The following ASCC3 variants were observed in gnomAD, a reference collection of about 807,000 sequenced individuals.
The protein encoded by ASCC3 is ASC-1 complex subunit P200.
A neutral mutation model predicts 256.3 loss-of-function variants in ASCC3; 158 were observed. The observed-to-expected ratio is 0.62, with a 90% CI of 0.54 to 0.70. The LOEUF is 0.70. ASCC3 is among the 30% of genes least tolerant of loss of function. ASCC3 has a pLI of 0.00. For missense variants in ASCC3, 2,259 were observed against 2,626.0 expected (o/e 0.86, Z 3.05); for synonymous variants, 948 against 883.4 (o/e 1.07, Z -1.30).
At chr6:100,582,420 T>G (rs1490338970) in intron 36 of ASCC3, among the ~76,000 whole-genome samples, 1 of 151,670 alleles carries the variant, frequency 6.6e-6, no homozygotes, top group Non-Finnish European at 1.5e-5. Context: ...TGCTTGTGAT[T>G]TTTGTACATT....
At chr6:100,660,138 G>A (rs1429248694) in intron 16 of ASCC3, among the ~76,000 whole-genome samples, 2 of 151,532 alleles carry the variant, frequency 1.3e-5, no homozygotes, top group Non-Finnish European at 3.0e-5. Context: ...ATAGGGAAAT[G>A]TATTCACCTT....
chr6:100,744,969 G>C (rs1780595774), intron 10 of ASCC3, among the ~76,000 whole-genome samples: 1 of 152,170 alleles, frequency 6.6e-6, no homozygotes, highest in Non-Finnish European at 1.5e-5. Context: ...GGGGAGTGGA[G>C]TGACTTAGTA....
At chr6:100,578,648 AT>A (rs1276773369) in intron 36 of ASCC3, among the ~76,000 whole-genome samples, 1 of 152,072 alleles carries the variant, frequency 6.6e-6, no homozygotes, top group East Asian at 1.9e-4. Flanking sequence ...GTACCACATT[AT>A]CTTTATCCAG....
intron 37 of ASCC3, chr6:100,530,356 T>G (rs1774806456): frequency 7.5e-7 from 1 of 1,328,990 alleles, no homozygotes; most frequent in Non-Finnish European, 1.1e-6. Flanking sequence ...AAAACCGCAG[T>G]AAGTTGTCTA....
intron 3 of ASCC3, among the ~76,000 whole-genome samples, chr6:100,854,596 TA>T (rs1324325834): frequency 6.6e-6 from 1 of 152,212 alleles, no homozygotes; most frequent in African/African-American, 2.4e-5. Context: ...CCCTATGTTT[TA>T]GAAACAGCCA....
At chr6:100,561,152 G>C (rs2114704954) in intron 36 of ASCC3, among the ~76,000 whole-genome samples, 1 of 150,800 alleles carries the variant, frequency 6.6e-6, no homozygotes, top group African/African-American at 2.4e-5. Context: ...ACCATTGCTT[G>C]GTCTACAAAT....
chr6:100,527,836 T>A (rs1774661112), intron 37 of ASCC3, among the ~76,000 whole-genome samples: 2 of 151,934 alleles, frequency 1.3e-5, no homozygotes, highest in Non-Finnish European at 2.9e-5. Context: ...CTTCTTTGTT[T>A]TTTTTTTTGT....
intron 13 of ASCC3, among the ~76,000 whole-genome samples, chr6:100,710,582 C>T (rs914194967): frequency 1.3e-5 from 2 of 152,108 alleles, no homozygotes; most frequent in East Asian, 1.9e-4. Context: ...ACTGACTAAA[C>T]GCCCCTAGCC....
At chr6:100,730,922 A>G (rs1210272460) in intron 10 of ASCC3, among the ~76,000 whole-genome samples, 1 of 152,204 alleles carries the variant, frequency 6.6e-6, no homozygotes, top group African/African-American at 2.4e-5. Flanking sequence ...TATTTATGTC[A>G]AGGATGGTGG....
At chr6:100,754,179 T>C (rs1781069568) in intron 10 of ASCC3, among the ~76,000 whole-genome samples, 1 of 152,302 alleles carries the variant, frequency 6.6e-6, no homozygotes, top group African/African-American at 2.4e-5. Flanking sequence ...GCAAAAAAAG[T>C]ATAATTAGTC....
At chr6:100,868,137 G>A in intron 1 of ASCC3, 99 bp from the exon 2 acceptor site, 1 of 682,616 alleles carries the variant, frequency 1.5e-6, no homozygotes, top group Non-Finnish European at 2.5e-6. Context: ...GGAAAAAATT[G>A]GTTAAAAAGC....
intron 13 of ASCC3, among the ~76,000 whole-genome samples, chr6:100,691,538 A>G (rs1022382694): frequency 6.6e-6 from 1 of 151,992 alleles, no homozygotes; most frequent in Non-Finnish European, 1.5e-5. Context: ...GAATAACTTA[A>G]TACTATAATG....
intron 36 of ASCC3, among the ~76,000 whole-genome samples, chr6:100,556,794 T>G (rs928787049): frequency 6.6e-6 from 1 of 151,980 alleles, no homozygotes; most frequent in Non-Finnish European, 1.5e-5. Context: ...TGTTTAGGAA[T>G]AGGGTGATGA....
chr6:100,830,596 T>C (rs370563540), intron 4 of ASCC3, among the ~76,000 whole-genome samples: 3 of 152,208 alleles, frequency 2.0e-5, no homozygotes, highest in African/African-American at 4.8e-5. Context: ...CAAATGCTGA[T>C]ATTTAGGCTA....
chr6:100,540,635 T>C (rs1458432943), intron 36 of ASCC3, among the ~76,000 whole-genome samples: 2 of 152,134 alleles, frequency 1.3e-5, no homozygotes, highest in Non-Finnish European at 2.9e-5. Flanking sequence ...GAGTATTTAC[T>C]AGGCATCACA....
intron 13 of ASCC3, among the ~76,000 whole-genome samples, chr6:100,682,355 C>T (rs1777348931): frequency 6.6e-6 from 1 of 152,052 alleles, no homozygotes; most frequent in Non-Finnish European, 1.5e-5. Flanking sequence ...TAAATAATCA[C>T]AAAATATTTT....
chr6:100,603,663 G>A (rs1262015015), intron 33 of ASCC3, among the ~76,000 whole-genome samples: 1 of 151,884 alleles, frequency 6.6e-6, no homozygotes, highest in Non-Finnish European at 1.5e-5. Flanking sequence ...AAATAGGTAT[G>A]GAATTTCATC....
rs112382519 is a variant in ASCC3, at chr6:100,638,450, C to T, written c.4122+151G>A. ...TATAACCAAACTCATGATATCTTCA[C>T]GGTATATCTGTACTGATCTGGTCCC... is the stretch of plus-strand genomic sequence containing the variant. On this transcript the variant is annotated intron_variant, in intron 25 of 41. Transcript: ENST00000369162. 192 of 628,938 alleles carry T rather than the reference C, an allele frequency of 3.1e-4. No individual in the cohort carries two copies. The African/African-American group carries it at 3.2e-3, about 11-fold the overall frequency. The allele number at this position is 628,938 out of a possible 1,614,324, so 39.0% of individuals were successfully genotyped here. A position where few individuals can be genotyped will look rare whatever the true frequency, so the allele number is the denominator to read the frequency against.
intron 36 of ASCC3, among the ~76,000 whole-genome samples, chr6:100,577,675 T>C (rs1202917123): frequency 1.3e-5 from 2 of 152,028 alleles, no homozygotes; most frequent in African/African-American, 4.8e-5. Context: ...AAAGTGCAAG[T>C]GTCTTTCATG....
Sources: allele counts gnomAD v4.1 joint callset (sites outside exome capture counted in the v4.1 genomes callset), GRCh38; gene constraint gnomAD v4.1.1; transcripts MANE v1.5; gene names NCBI Gene and HGNC (gene_info 2026-07-23, HGNC 2026-07-21).